GALNT17: variants seen among roughly 807,000 people sequenced by gnomAD.
GALNT17 encodes the protein polypeptide N-acetylgalactosaminyltransferase 17, also known as UDP-GalNAc:polypeptide N-acetylgalactosaminyltransferase-like 3.
A neutral mutation model predicts 63.7 loss-of-function variants in GALNT17; 29 were observed. The ratio of observed to expected loss-of-function variants is 0.46; its 90% CI spans 0.34 to 0.62. The LOEUF (loss-of-function observed/expected upper bound fraction) is 0.62, where lower values mean the gene tolerates loss of function less well. GALNT17 is among the 20% of genes least tolerant of loss of function. The pLI, the probability that GALNT17 is intolerant of heterozygous loss-of-function variation, is 0.01. For synonymous variants in GALNT17, 305 were observed against 318.3 expected, an observed-to-expected ratio of 0.96 and a Z score of 0.45; for missense variants, 603 against 799.6, an observed-to-expected ratio of 0.75 and a Z score of 2.97.
intron 6 of GALNT17, among the ~76,000 whole-genome samples, chr7:71,628,816 C>T (rs1188747979): frequency 2.6e-5 from 4 of 152,026 alleles, no homozygotes; most frequent in Non-Finnish European, 5.9e-5. Flanking sequence ...CCTGTAATCC[C>T]AGCTACTCAG....
At chr7:71,295,167 C>T (rs1583837321) in intron 1 of GALNT17, among the ~76,000 whole-genome samples, 1 of 152,190 alleles carries the variant, frequency 6.6e-6, no homozygotes, top group African/African-American at 2.4e-5. Flanking sequence ...GGCTTCATTT[C>T]TCTTCAACCT....
At chr7:71,419,802 G>T (rs1305892603) in intron 4 of GALNT17, among the ~76,000 whole-genome samples, 1 of 152,218 alleles carries the variant, frequency 6.6e-6, no homozygotes, top group Admixed American at 6.5e-5. Context: ...TCCTAAGCCT[G>T]CCTGGAAGCC....
At chr7:71,486,091 A>T (rs1245096535) in intron 5 of GALNT17, among the ~76,000 whole-genome samples, 2 of 151,936 alleles carry the variant, frequency 1.3e-5, no homozygotes, top group Non-Finnish European at 2.9e-5. Context: ...ACTTTGGGAG[A>T]CTGGGGCAGG....
intron 1 of GALNT17, among the ~76,000 whole-genome samples, chr7:71,321,732 A>G (rs897504515): frequency 6.7e-6 from 1 of 148,604 alleles, no homozygotes; most frequent in Non-Finnish European, 1.5e-5. Context: ...CTCAGCCTCT[A>G]TATTGGCTAG....
intron 1 of GALNT17, among the ~76,000 whole-genome samples, chr7:71,211,253 G>A (rs1392702056): frequency 6.6e-6 from 1 of 152,152 alleles, no homozygotes; most frequent in African/African-American, 2.4e-5. Flanking sequence ...TTCCCATGCT[G>A]TTCTCATGAT....
intron 6 of GALNT17, among the ~76,000 whole-genome samples, chr7:71,645,840 G>A (rs1188040142): frequency 6.6e-6 from 1 of 152,092 alleles, no homozygotes; most frequent in Non-Finnish European, 1.5e-5. Flanking sequence ...TTACCAATTG[G>A]CAAATATCAA....
At chr7:71,664,962 A>G (rs774242334) in intron 6 of GALNT17, among the ~76,000 whole-genome samples, 8 of 151,988 alleles carry the variant, frequency 5.3e-5, no homozygotes, top group African/African-American at 9.7e-5. Context: ...TTGAACTCTC[A>G]TTGGCATTAT....
intron 6 of GALNT17, among the ~76,000 whole-genome samples, chr7:71,621,662 C>T (rs1220605727): frequency 1.3e-5 from 2 of 151,932 alleles, no homozygotes; most frequent in African/African-American, 4.8e-5. Flanking sequence ...TCATAACATC[C>T]TAGGCTAGAT....
intron 2 of GALNT17, among the ~76,000 whole-genome samples, chr7:71,379,497 G>C (rs1792804472): frequency 6.6e-6 from 1 of 152,118 alleles, no homozygotes; most frequent in African/African-American, 2.4e-5. Flanking sequence ...CAGTTAGGTG[G>C]CTTTTGGTGT....
At chr7:71,497,772 T>C (rs1408333356) in intron 5 of GALNT17, among the ~76,000 whole-genome samples, 2 of 152,182 alleles carry the variant, frequency 1.3e-5, no homozygotes, top group African/African-American at 2.4e-5. Flanking sequence ...GTTGCTGATA[T>C]TGAATGGCAA....
intron 1 of GALNT17, among the ~76,000 whole-genome samples, chr7:71,169,747 G>A (rs983754506): frequency 6.6e-6 from 1 of 152,016 alleles, no homozygotes; most frequent in African/African-American, 2.4e-5. Context: ...GTAGAGACGG[G>A]GTTTCACCAT....
At chr7:71,160,377 T>C (rs1788319361) in intron 1 of GALNT17, among the ~76,000 whole-genome samples, 1 of 152,248 alleles carries the variant, frequency 6.6e-6, no homozygotes, top group African/African-American at 2.4e-5. Context: ...TTCAATGATT[T>C]TGCCATAAGT....
chr7:71,451,151 A>T (rs894384619), intron 5 of GALNT17, among the ~76,000 whole-genome samples: 2 of 152,012 alleles, frequency 1.3e-5, no homozygotes, highest in African/African-American at 4.8e-5. Flanking sequence ...TCATTGTTCA[A>T]TTCCCACCTA....
intron 5 of GALNT17, among the ~76,000 whole-genome samples, chr7:71,425,687 A>C (rs901804273): frequency 6.6e-6 from 1 of 151,436 alleles, no homozygotes; most frequent in Non-Finnish European, 1.5e-5. Flanking sequence ...TTTACACTCA[A>C]CTCCTTGGAG....
At chr7:71,217,391 T>C (rs1416374433) in intron 1 of GALNT17, among the ~76,000 whole-genome samples, 3 of 152,132 alleles carry the variant, frequency 2.0e-5, no homozygotes, top group Non-Finnish European at 1.5e-5. Flanking sequence ...TAGATGTGTT[T>C]AGTTTTCATG....
intron 5 of GALNT17, among the ~76,000 whole-genome samples, chr7:71,463,406 G>A (rs1787483241): frequency 6.6e-6 from 1 of 152,176 alleles, no homozygotes; most frequent in Admixed American, 6.5e-5. Context: ...GTGGGCCAGA[G>A]TGCAGCCTGA....
At chr7:71,416,485 G>A (rs112455018) in intron 4 of GALNT17, among the ~76,000 whole-genome samples, 6,892 of 152,066 alleles carry the variant, frequency 0.045, 559 homozygotes, top group African/African-American at 0.16. Flanking sequence ...GGTGGAGCAC[G>A]CCTGTAGTCT....
intron 5 of GALNT17, among the ~76,000 whole-genome samples, chr7:71,443,925 C>T (rs926967158): frequency 1.3e-5 from 2 of 152,154 alleles, no homozygotes; most frequent in South Asian, 2.1e-4. Context: ...CGGGGTTTCA[C>T]CATGTTGGCC....
rs534979758 is a variant in GALNT17 at position 71,546,593 on chromosome 7, G to A, written c.963-24692G>A. On this transcript the variant is annotated intron_variant, in intron 5 of 10. Transcript: ENST00000333538. Reference sequence around the variant, plus strand: ...CTGAACGTCAAAGGGATTCAGGTTTGCATTTTCATAGCTGTGTTAGAACAA... The same window carrying A: ...CTGAACGTCAAAGGGATTCAGGTTTACATTTTCATAGCTGTGTTAGAACAA... Among the ~76,000 whole-genome samples the A allele has an allele frequency of 3.9e-5, 6 of 152,340 alleles. No homozygotes were observed. In the South Asian group the frequency reaches 1.2e-3, roughly 32 times the overall value.
Sources: gnomAD v4.1 joint callset for allele counts (sites outside exome capture counted in the v4.1 genomes callset) on GRCh38, gnomAD v4.1.1 for gene constraint, MANE v1.5 for transcripts, NCBI Gene and HGNC (gene_info 2026-07-23, HGNC 2026-07-21) for gene names.